Variants in NBEAL2 observed in about 807,000 individuals in gnomAD.
NBEAL2 encodes the protein neurobeachin like 2.
Under a neutral mutation model 299.8 loss-of-function variants are expected in NBEAL2, and 160 were observed. That is an observed-to-expected ratio of 0.53 (90% CI 0.47 to 0.61). The LOEUF (loss-of-function observed/expected upper bound fraction) is 0.61, where lower values mean the gene tolerates loss of function less well. NBEAL2 is among the 20% of genes least tolerant of loss of function. The pLI is 0.00. For missense variants in NBEAL2, 3,112 were observed against 3,649.0 expected (o/e 0.85, Z 3.79); for synonymous variants, 1,493 against 1,542.3 (o/e 0.97, Z 0.75).
chr3:46,987,544 C>T (rs2035750423), intron 1 of NBEAL2, among the ~76,000 whole-genome samples: 3 of 152,342 alleles, frequency 2.0e-5, no homozygotes, highest in South Asian at 4.1e-4. Context: ...TGTTCCTGAG[C>T]GAAGAGAACT....
At chr3:46,994,890 T>G in intron 12 of NBEAL2, 142 bp from the exon 13 acceptor site, 2 of 1,250,782 alleles carry the variant, frequency 1.6e-6, no homozygotes, top group Non-Finnish European at 2.2e-6. Context: ...CTGACTTTCC[T>G]GAGCCTCACA....
intron 1 of NBEAL2, among the ~76,000 whole-genome samples, chr3:46,983,040 G>C (rs1352257622): frequency 6.6e-6 from 1 of 152,194 alleles, no homozygotes; most frequent in Admixed American, 6.5e-5. Flanking sequence ...TGGGGTCACA[G>C]AGTGAGGGGG....
chr3:47,003,296 G>A lies in NBEAL2; in HGVS notation c.5707G>A (p.Glu1903Lys). 1 of 1,612,764 alleles carries A rather than the reference G, an allele frequency of 6.2e-7. No homozygotes were observed. Among genetic ancestry groups the A allele is most frequent in the Non-Finnish European group, 8.5e-7 (1 of 1,179,766 alleles). ...EDQLGEDELA[E>K]LETPMEAAEL... is the part of the protein sequence containing the mutation. ...CCAGCTCGGCGAGGACGAGCTGGCT[G>A]AGCTGGAGACCCCGTGAGTGGGGCC... Residue 1903 changes from glutamate to lysine, a missense_variant, in exon 35 of 54, where the codon GAG (glutamate) becomes AAG (lysine). Physicochemically the swap from Glu to Lys is moderately conservative, Grantham distance 56. Transcript: ENST00000450053. The surrounding 1 kb of genome is among the most constrained non-coding windows in gnomAD (Gnocchi z 7.0).
At chr3:46,984,285 C>CTG (rs1436309079) in intron 1 of NBEAL2, among the ~76,000 whole-genome samples, 1 of 151,802 alleles carries the variant, frequency 6.6e-6, no homozygotes, top group Non-Finnish European at 1.5e-5. Context: ...CAGCCTGGGC[C>CTG]GGCGACAGAG....
At position 47,000,232 on chromosome 3, in the gene NBEAL2, G is replaced by A. The variant is rs751303487; in HGVS notation, c.4133G>A (p.Gly1378Glu). ...ACTGCTGGTGGTGGCGGCAGCAGTG[G>A]GACTCTTACTCCAGCCAGCCAGCCC... ...GNTAGGGGSS[G>E]TLTPASQPGT... The change falls in exon 27 of 54, where the codon GGG (glycine) becomes GAG (glutamate). Residue 1378 changes from glycine (G) to glutamate (E), a missense_variant. By Grantham distance (98) the Gly-to-Glu change is moderately conservative. Coordinates refer to ENST00000450053, the MANE Select transcript of NBEAL2 (RefSeq NM_015175.3). This position sits in a 1 kb window ranked among gnomAD's most constrained non-coding sequence, Gnocchi z 4.5. The A allele has an allele frequency of 6.2e-7, 1 of 1,613,404 alleles. No individual in the cohort carries two copies. Among genetic ancestry groups the A allele is most frequent in the Non-Finnish European group, 8.5e-7 (1 of 1,179,896 alleles).
At position 46,996,566 on chromosome 3, in the gene NBEAL2, C is replaced by T. The variant is rs536262688; in HGVS notation, c.2447C>T (p.Thr816Met). Residue 816 changes from threonine (T) to methionine (M), a missense_variant, in exon 16 of 54, where the codon ACG (threonine) becomes ATG (methionine). By Grantham distance (81) the Thr-to-Met change is moderately conservative. Transcript: ENST00000450053. ...ATCTTTCACGAAGCCCTGCAGGCGA[C>T]GGCTCTGAGGACCCTGTGCACCCTG... ...VAIFHEALQA[T>M]ALRTLCTLGP... The T allele has an allele frequency of 3.3e-5, 50 of 1,537,610 alleles. No individual in the cohort carries two copies. In the South Asian group the frequency reaches 4.9e-4, roughly 15 times the overall value.
rs759144258 is a variant in NBEAL2, at chr3:47,007,546, C to T, written c.7356C>T (p.Gly2452=). 14 of 1,612,244 alleles carry T rather than the reference C, an allele frequency of 8.7e-6. No individual in the cohort carries two copies. The South Asian group carries it at 1.4e-4, about 16-fold the overall frequency. Residue 2452 remains glycine, a synonymous_variant, in exon 48 of 54, where the codon GGC becomes GGT. Transcript: ENST00000450053. The part of the protein sequence containing the change: ...GSHKTQRLLS[G]PWVPGSGVSG... ...TCAGGACGCAGCGACTGCTGAGTGG[C>T]CCGTGGGTGCCAGGCAGTGGTGTGA...
rs2037301009 is a variant in NBEAL2 at position 47,004,796 on chromosome 3, T to G, written c.6295-176T>G. The G allele has an allele frequency of 8.8e-7, 1 of 1,137,780 alleles. No individual in the cohort carries two copies. Among genetic ancestry groups the G allele is most frequent in the African/African-American group, 1.5e-5 (1 of 64,792 alleles). 70.5% of individuals were successfully genotyped at this position (1,137,780 alleles called of 1,614,324 possible). On this transcript the variant is annotated intron_variant, in intron 38 of 53. Coordinates refer to ENST00000450053, the MANE Select transcript of NBEAL2 (RefSeq NM_015175.3). This position sits in a 1 kb window ranked among gnomAD's most constrained non-coding sequence, Gnocchi z 5.0. Reference sequence around the variant, plus strand: ...CCCCTCCCTGCCTAGCCTCTATTCCTCAAAAGGAATCCTGTTCCAGGACAC... The same window carrying G: ...CCCCTCCCTGCCTAGCCTCTATTCCGCAAAAGGAATCCTGTTCCAGGACAC...
rs750044277 is a variant in NBEAL2 at position 46,998,697 on chromosome 3, T to A, written c.3222-20T>A. 8 of 1,563,400 alleles carry A rather than the reference T, an allele frequency of 5.1e-6. No individual in the cohort carries two copies. In the East Asian group the frequency reaches 1.9e-4, roughly 37 times the overall value. On this transcript the variant is annotated intron_variant, in intron 22 of 53. Coordinates refer to ENST00000450053, the MANE Select transcript of NBEAL2 (RefSeq NM_015175.3). The stretch of plus-strand genomic sequence containing the variant: ...CGCCTTTCTTTGGGACCTGGCTGGG[T>A]GTGCCTACTGACCTGCCAGCCCGCA...
Position 47,007,840 on chromosome 3 carries a change from A to T in NBEAL2, c.7532A>T (p.Asp2511Val). 1 of 1,613,548 alleles carries T rather than the reference A, an allele frequency of 6.2e-7. No homozygotes were observed. Among genetic ancestry groups the T allele is most frequent in the Non-Finnish European group, 8.5e-7 (1 of 1,179,776 alleles). ...HLDVVTCLAL[D>V]TCGIYLISGS... ...GATGTAGTAACCTGCCTTGCACTGG[A>T]CACCTGTGGCATCTACCTCATCTCA... The change falls in exon 49 of 54, where the codon GAC (aspartate) becomes GTC (valine). Residue 2511 changes from aspartate (D) to valine (V), a missense_variant. This residue lies in a region of NBEAL2 where 348 missense variants were observed against 381.4 expected (regional missense o/e 0.91). Transcript: ENST00000450053.
chr3:46,988,961 T>C lies in NBEAL2; in HGVS notation c.260T>C (p.Ile87Thr). 6.2e-7 allele frequency: 1 copy of C among 1,612,832 alleles called. No homozygotes were observed. The highest frequency in any genetic ancestry group is 1.7e-5 in the Admixed American group (1 of 59,948). ...CTCCTGCTGCTCAAGCTCTTCATCA[T>C]TCTCTGCAGGTGTCTCTGTTGTCCA... The part of the protein sequence containing the change: ...QALLLLKLFI[I>T]LCRNLENIEA... Residue 87 changes from isoleucine to threonine, a missense_variant, in exon 3 of 54, where the codon ATT (isoleucine) becomes ACT (threonine). Ile to Thr is a moderately conservative substitution (Grantham distance 89). Around this residue, in one of 3 missense-constraint regions of NBEAL2, gnomAD observed 2,243 missense variants for 2,538.1 expected, o/e 0.88. Coordinates refer to ENST00000450053, the MANE Select transcript of NBEAL2 (RefSeq NM_015175.3). The surrounding 1 kb of genome is among the most constrained non-coding windows in gnomAD (Gnocchi z 4.4).
At chr3:47,007,397 C>G (rs1223752533) in intron 47 of NBEAL2, 47 bp downstream of exon 47, 2 of 1,562,354 alleles carry the variant, frequency 1.3e-6, no homozygotes, top group Non-Finnish European at 8.7e-7. Context: ...TGCCCTGCAC[C>G]CGGAATTATT....
chr3:46,996,338 C>T lies in NBEAL2; in HGVS notation c.2219C>T (p.Thr740Ile). ...RTTTTTTGLP[T>I]PPVPATLAYT... ...ACGACCACCACCACAGGGCTGCCCA[C>T]ACCACCAGTCCCCGCCACCCTGGCC... Residue 740 changes from threonine to isoleucine, a missense_variant, in exon 16 of 54, where the codon ACA becomes ATA. Coordinates refer to ENST00000450053, the MANE Select transcript of NBEAL2 (RefSeq NM_015175.3). 6.2e-7 allele frequency: 1 copy of T among 1,612,110 alleles called. No individual in the cohort carries two copies. Among genetic ancestry groups the T allele is most frequent in the Non-Finnish European group, 8.5e-7 (1 of 1,179,858 alleles).
rs755523777 is a variant in NBEAL2, at chr3:47,002,743, G to C, written c.5400G>C (p.Leu1800=). Residue 1800 remains leucine, a synonymous_variant, in exon 33 of 54, where the codon CTG becomes CTC. Coordinates refer to ENST00000450053, the MANE Select transcript of NBEAL2 (RefSeq NM_015175.3). ...KQQATQHSMA[L]LHWGALWRQL... ...AGGCAACGCAGCACTCCATGGCCCT[G>C]CTGCACTGGGGGGCGCTGTGGCGCC... 5.7e-6 allele frequency: 9 copies of C among 1,584,308 alleles called. No homozygotes were observed. In the South Asian group the frequency reaches 1.0e-4, roughly 18 times the overall value.
In NBEAL2 at chr3:47,009,363, T is replaced by C; in HGVS notation, c.*43T>C. On this transcript the variant is annotated 3_prime_UTR_variant, in exon 54 of 54. Transcript: ENST00000450053. ...GCTCGGGCCCCGCCCCCGGCAGGCC[T>C]GGCCCGGGAGGCCCCGCCCAGAAGT... The C allele has an allele frequency of 2.0e-6, 3 of 1,537,738 alleles. No homozygotes were observed. The highest frequency in any genetic ancestry group is 2.6e-6 in the Non-Finnish European group (3 of 1,136,648).
In NBEAL2 at chr3:47,004,479, C is replaced by T; in HGVS notation, c.6199-16C>T. 2 of 1,612,120 alleles carry T rather than the reference C, an allele frequency of 1.2e-6. No homozygotes were observed. The highest frequency in any genetic ancestry group is 1.7e-6 in the Non-Finnish European group (2 of 1,178,558). ...ACAGCCCACCTGGCTCACATCTTGTCTGCCCCTGTCCCCAGAAATGGGTAC... is the reference window on the plus strand; with the variant it reads ...ACAGCCCACCTGGCTCACATCTTGTTTGCCCCTGTCCCCAGAAATGGGTAC... On this transcript the variant is annotated splice_polypyrimidine_tract_variant and intron_variant, in intron 37 of 53. Coordinates refer to ENST00000450053, the MANE Select transcript of NBEAL2 (RefSeq NM_015175.3). The surrounding 1 kb of genome is among the most constrained non-coding windows in gnomAD (Gnocchi z 5.0).
Position 46,988,782 on chromosome 3 carries a change from C to T in NBEAL2, c.140+25C>T, listed in dbSNP as rs1453289591. On this transcript the variant is annotated intron_variant, in intron 2 of 53. Transcript: ENST00000450053. This position sits in a 1 kb window ranked among gnomAD's most constrained non-coding sequence, Gnocchi z 4.4. ...GGTGAGGCTGGATCTGCACTGAGGG[C>T]AGGGACAGAGCAGGGAGATTGAGGG... 1 of 1,609,428 alleles carries T rather than the reference C, an allele frequency of 6.2e-7. No homozygotes were observed. Among genetic ancestry groups the T allele is most frequent in the African/African-American group, 1.3e-5 (1 of 74,966 alleles).
At chr3:46,986,595 T>C (rs907105072) in intron 1 of NBEAL2, among the ~76,000 whole-genome samples, 3 of 152,042 alleles carry the variant, frequency 2.0e-5, no homozygotes, top group African/African-American at 7.2e-5. Flanking sequence ...AAGACTCACA[T>C]TTTGAGTGAC....
In NBEAL2 at chr3:46,991,514, C is replaced by G; in HGVS notation, c.751C>G (p.Leu251Val). ...APDPCLVPLALEALVGAVHVL... is the reference protein window; with the variant it reads ...APDPCLVPLAVEALVGAVHVL... Reference sequence around the variant, plus strand: ...GGACCCGTGCCTAGTGCCACTGGCTCTAGAGGCACTGGTAGGTGCAGTCCA... The same window carrying G: ...GGACCCGTGCCTAGTGCCACTGGCTGTAGAGGCACTGGTAGGTGCAGTCCA... Residue 251 changes from leucine (L) to valine (V), a missense_variant, in exon 8 of 54, where the codon CTA (leucine) becomes GTA (valine). Physicochemically the swap from Leu to Val is conservative, Grantham distance 32. Transcript: ENST00000450053. The surrounding 1 kb of genome is among the most constrained non-coding windows in gnomAD (Gnocchi z 6.2). The G allele has an allele frequency of 1.9e-6, 3 of 1,611,236 alleles. No individual in the cohort carries two copies. Among genetic ancestry groups the G allele is most frequent in the Non-Finnish European group, 2.5e-6 (3 of 1,179,870 alleles).
Sources: gnomAD v4.1 joint callset for allele counts (sites outside exome capture counted in the v4.1 genomes callset) on GRCh38, gnomAD v4.1.1 for gene constraint, gnomAD v4.1.1 regional missense constraint, Gnocchi (gnomAD v3.1) non-coding constraint, MANE v1.5 for transcripts, NCBI Gene and HGNC (gene_info 2026-07-23, HGNC 2026-07-21) for gene names.